Variants in RYR2 observed in about 807,000 individuals in gnomAD.
The protein encoded by RYR2 is cardiac muscle ryanodine receptor-calcium release channel.
A neutral mutation model predicts 601.1 loss-of-function variants in RYR2; 227 were observed. That is an observed-to-expected ratio of 0.38 (90% CI 0.34 to 0.42). RYR2 has a LOEUF of 0.42. Ranked by LOEUF, RYR2 falls within the 10% of genes least tolerant of loss-of-function variation. RYR2 has a pLI of 1.00. For missense variants in RYR2, 4,646 were observed against 6,156.5 expected (o/e 0.75, Z 8.21); for synonymous variants, 2,223 against 2,175.1 (o/e 1.02, Z -0.61).
intron 29 of RYR2, 67 bp from the exon 30 acceptor site, chr1:237,589,726 T>A (rs552221078): frequency 7.7e-5 from 114 of 1,480,492 alleles, no homozygotes; most frequent in South Asian, 3.7e-4. Context: ...ACAATATGTT[T>A]GATAATTCTA....
At chr1:237,503,556 A>C in intron 22 of RYR2, 51 bp downstream of exon 22, 1 of 1,570,416 alleles carries the variant, frequency 6.4e-7, no homozygotes, top group Non-Finnish European at 8.7e-7. Flanking sequence ...TCATGCTGAT[A>C]CACAGTGGCT....
chr1:237,138,580 G>T (rs766580189), intron 1 of RYR2, among the ~76,000 whole-genome samples: 5 of 152,012 alleles, frequency 3.3e-5, no homozygotes, highest in Non-Finnish European at 7.4e-5. Context: ...AAAGTCAGAT[G>T]AAGTTTATGA....
intron 1 of RYR2, among the ~76,000 whole-genome samples, chr1:237,152,360 T>C (rs1044120482): frequency 6.6e-6 from 1 of 152,206 alleles, no homozygotes; most frequent in Non-Finnish European, 1.5e-5. Context: ...ATTCCTTTGG[T>C]ATATACCCAG....
intron 2 of RYR2, among the ~76,000 whole-genome samples, chr1:237,303,978 A>G (rs1693629867): frequency 6.6e-6 from 1 of 152,168 alleles, no homozygotes; most frequent in African/African-American, 2.4e-5. Flanking sequence ...GTCGGGTGTA[A>G]GAGATTTGTG....
At chr1:237,817,115 T>G (rs1362358481) in intron 100 of RYR2, among the ~76,000 whole-genome samples, 1 of 152,202 alleles carries the variant, frequency 6.6e-6, no homozygotes, top group Non-Finnish European at 1.5e-5. Context: ...CTCTTTATTA[T>G]ATGCCAGGCT....
At chr1:237,165,511 T>C (rs1676603881) in intron 1 of RYR2, among the ~76,000 whole-genome samples, 1 of 152,216 alleles carries the variant, frequency 6.6e-6, no homozygotes, top group Admixed American at 6.5e-5. Flanking sequence ...AATTATGATC[T>C]GCTTATCCTC....
intron 1 of RYR2, among the ~76,000 whole-genome samples, chr1:237,256,859 T>G (rs138014117): frequency 1.4e-3 from 212 of 152,290 alleles, no homozygotes; most frequent in African/African-American, 4.8e-3. Flanking sequence ...AAAATTTGAG[T>G]GACTTTACTT....
chr1:237,557,802 A>G (rs537347155), intron 27 of RYR2, among the ~76,000 whole-genome samples: 11 of 152,268 alleles, frequency 7.2e-5, no homozygotes, highest in Middle Eastern at 3.4e-3. Context: ...ATAGATGTCA[A>G]GTACATACAC....
chr1:237,503,617 T>A, intron 22 of RYR2, 112 bp downstream of exon 22: 1 of 958,770 alleles, frequency 1.0e-6, no homozygotes, highest in Non-Finnish European at 1.6e-6. Context: ...AATACAGTTG[T>A]ACAGTTGACA....
At chr1:237,795,265 C>T (rs1658963465) in intron 95 of RYR2, 24 bp from the exon 96 acceptor site, 6 of 1,171,770 alleles carry the variant, frequency 5.1e-6, no homozygotes, top group East Asian at 2.7e-5. Flanking sequence ...ATACTATTTA[C>T]TTCTATGCTT....
At chr1:237,547,872 T>G (rs1669985703) in intron 25 of RYR2, among the ~76,000 whole-genome samples, 1 of 152,180 alleles carries the variant, frequency 6.6e-6, no homozygotes. Flanking sequence ...TAGCTGTGAT[T>G]TTCTTTACTT....
At chr1:237,298,130 A>T (rs1692988996) in intron 2 of RYR2, among the ~76,000 whole-genome samples, 1 of 152,094 alleles carries the variant, frequency 6.6e-6, no homozygotes, top group Non-Finnish European at 1.5e-5. Flanking sequence ...AACAAGTTAC[A>T]TCATTCTCTT....
chr1:237,701,828 C>A, intron 65 of RYR2, 150 bp from the exon 66 acceptor site: 1 of 536,532 alleles, frequency 1.9e-6, no homozygotes, highest in Non-Finnish European at 3.4e-6. Context: ...ACCCCCAGTT[C>A]CATCCATGTT....
At chr1:237,346,677 C>A (rs566375409) in intron 3 of RYR2, among the ~76,000 whole-genome samples, 2 of 152,200 alleles carry the variant, frequency 1.3e-5, no homozygotes, top group South Asian at 4.1e-4. Context: ...TACTGCAAAA[C>A]CAGAGTAAAG....
chr1:237,331,051 C>A, intron 3 of RYR2, 69 bp downstream of exon 3: 1 of 1,271,022 alleles, frequency 7.9e-7, no homozygotes, highest in Non-Finnish European at 1.2e-6. Context: ...CAATTTCTTT[C>A]ACAGGTGTCA....
At chr1:237,660,165 C>T in intron 55 of RYR2, 91 bp downstream of exon 55, 4 of 648,488 alleles carry the variant, frequency 6.2e-6, no homozygotes, top group South Asian at 4.5e-5. Context: ...AAAATGTCTT[C>T]TTTATTTTAA....
intron 1 of RYR2, among the ~76,000 whole-genome samples, chr1:237,048,827 T>C (rs1660904658): frequency 6.6e-6 from 1 of 152,102 alleles, no homozygotes; most frequent in South Asian, 2.1e-4. Context: ...GAGAGAAATC[T>C]TGTGGCAAGG....
chr1:237,135,359 G>T lies in RYR2; in HGVS notation c.48+92790G>T, dbSNP rs1042573722. On this transcript the variant is annotated intron_variant, in intron 1 of 104. Transcript: ENST00000366574. ...CACACTGTCCAGCATCCCCTTGTTGGTTTTTTTTTTATTTTTCTTTTTTTT... is the reference window on the plus strand; with the variant it reads ...CACACTGTCCAGCATCCCCTTGTTGTTTTTTTTTTTATTTTTCTTTTTTTT... Among the ~76,000 whole-genome samples the T allele has an allele frequency of 9.5e-5, 14 of 147,522 alleles. No homozygotes were observed. In the South Asian group the frequency reaches 1.7e-3, roughly 18 times the overall value.
intron 31 of RYR2, among the ~76,000 whole-genome samples, chr1:237,591,315 T>C (rs894506521): frequency 5.9e-5 from 9 of 151,932 alleles, no homozygotes; most frequent in Non-Finnish European, 1.3e-4. Flanking sequence ...GTGCAATCTA[T>C]CTCAAGAGTT....
Sources: allele counts gnomAD v4.1 joint callset (sites outside exome capture counted in the v4.1 genomes callset), GRCh38; gene constraint gnomAD v4.1.1; transcripts MANE v1.5; gene names NCBI Gene and HGNC (gene_info 2026-07-23, HGNC 2026-07-21).